RAP1GDS1: variants seen among roughly 807,000 people sequenced by gnomAD.
RAP1GDS1 encodes the protein Rap1 GTPase-GDP dissociation stimulator 1, also known as RAP1, GTP-GDP dissociation stimulator 1.
RAP1GDS1 carries 35 observed loss-of-function variants against 71.1 expected under a neutral mutation model. The ratio of observed to expected loss-of-function variants is 0.49; its 90% CI spans 0.38 to 0.65. The LOEUF (loss-of-function observed/expected upper bound fraction) is 0.65, where lower values mean the gene tolerates loss of function less well. RAP1GDS1 is among the 30% of genes least tolerant of loss of function. The pLI, the probability that RAP1GDS1 is intolerant of heterozygous loss-of-function variation, is 0.00. For synonymous variants in RAP1GDS1, 229 were observed against 243.1 expected (o/e 0.94, Z 0.54); for missense variants, 663 against 706.1 (o/e 0.94, Z 0.69).
At chr4:98,399,957 C>G (rs539320396) in intron 6 of RAP1GDS1, among the ~76,000 whole-genome samples, 128 of 152,144 alleles carry the variant, frequency 8.4e-4, no homozygotes, top group Admixed American at 7.9e-4. Context: ...GAGTTTGAGA[C>G]CAGCCTGGGT....
At chr4:98,296,940 CG>C in intron 2 of RAP1GDS1, 16 of 343,654 alleles carry the variant, frequency 4.7e-5, no homozygotes, top group East Asian at 1.2e-4. Context: ...TTTGTGTTGC[CG>C]GGGGGACCAT....
At chr4:98,345,481 T>G (rs946194139) in intron 3 of RAP1GDS1, among the ~76,000 whole-genome samples, 3 of 152,160 alleles carry the variant, frequency 2.0e-5, no homozygotes, top group Non-Finnish European at 4.4e-5. Flanking sequence ...GACCATAAAT[T>G]ATAGTAAAAG....
At chr4:98,295,257 T>C (rs975550920) in intron 2 of RAP1GDS1, among the ~76,000 whole-genome samples, 15 of 152,116 alleles carry the variant, frequency 9.9e-5, no homozygotes, top group Admixed American at 6.6e-4. Context: ...TGTGAAATTG[T>C]GTATCACAAA....
At chr4:98,325,882 G>C (rs369449746) in intron 2 of RAP1GDS1, among the ~76,000 whole-genome samples, 8 of 148,622 alleles carry the variant, frequency 5.4e-5, no homozygotes, top group African/African-American at 1.0e-4. Flanking sequence ...TGTAACTAAC[G>C]TGCACAATAT....
At chr4:98,429,740 G>C (rs1231182299) in intron 12 of RAP1GDS1, among the ~76,000 whole-genome samples, 2 of 152,162 alleles carry the variant, frequency 1.3e-5, no homozygotes, top group African/African-American at 4.8e-5. Context: ...TGGGCTGCAG[G>C]TTGGACACGC....
At chr4:98,277,709 C>T (rs1435916737) in intron 1 of RAP1GDS1, among the ~76,000 whole-genome samples, 1 of 152,088 alleles carries the variant, frequency 6.6e-6, no homozygotes. Context: ...TTTCATATTT[C>T]TTTTTGGCAT....
intron 1 of RAP1GDS1, among the ~76,000 whole-genome samples, chr4:98,263,196 T>G (rs1442975334): frequency 6.6e-6 from 1 of 152,156 alleles, no homozygotes. Flanking sequence ...TGTGTGTATG[T>G]TCAAAGGAAA....
At chr4:98,350,054 G>A (rs1295899173) in intron 3 of RAP1GDS1, among the ~76,000 whole-genome samples, 1 of 152,056 alleles carries the variant, frequency 6.6e-6, no homozygotes, top group African/African-American at 2.4e-5. Context: ...AGTAAAAAAT[G>A]GTTCCAAAGA....
At position 98,418,784 on chromosome 4, in the gene RAP1GDS1, C is replaced by T. The variant is rs770962667; in HGVS notation, c.1167C>T (p.Ala389=). 30 of 1,589,776 alleles carry T rather than the reference C, an allele frequency of 1.9e-5. 2 individuals are homozygous for T. The South Asian group carries it at 3.5e-4, about 19-fold the overall frequency. The change falls in exon 10 of 15, where the codon GCC becomes GCT. Residue 389 remains alanine, a synonymous_variant. Transcript: ENST00000408927. ...HAALSALRNL[A]IPVINKAKML... Reference sequence around the variant, plus strand: ...CACTAAGTGCCCTCAGAAACCTGGCCATTCCAGGTAAGACTTAAGAATAGA... The same window carrying T: ...CACTAAGTGCCCTCAGAAACCTGGCTATTCCAGGTAAGACTTAAGAATAGA...
intron 1 of RAP1GDS1, among the ~76,000 whole-genome samples, chr4:98,269,313 G>C (rs923284487): frequency 4.6e-5 from 7 of 151,552 alleles, no homozygotes; most frequent in African/African-American, 1.7e-4. Flanking sequence ...ACAAAAATCA[G>C]CTCAAAATGG....
chr4:98,385,058 T>C (rs1041768950), intron 5 of RAP1GDS1, among the ~76,000 whole-genome samples: 1 of 151,720 alleles, frequency 6.6e-6, no homozygotes, highest in Non-Finnish European at 1.5e-5. Flanking sequence ...TTATCAAATA[T>C]TATTTTCAAG....
At chr4:98,311,577 A>G (rs919687717) in intron 2 of RAP1GDS1, among the ~76,000 whole-genome samples, 4 of 151,586 alleles carry the variant, frequency 2.6e-5, no homozygotes, top group Non-Finnish European at 5.9e-5. Flanking sequence ...GCTTTTTCTT[A>G]TTTTCTTGTC....
At chr4:98,267,162 A>G (rs948797892) in intron 1 of RAP1GDS1, among the ~76,000 whole-genome samples, 1 of 150,078 alleles carries the variant, frequency 6.7e-6, no homozygotes, top group African/African-American at 2.5e-5. Context: ...ATGTTTATTA[A>G]GGATATTAGC....
intron 1 of RAP1GDS1, among the ~76,000 whole-genome samples, chr4:98,276,015 TA>T (rs2110240443): frequency 6.6e-6 from 1 of 152,260 alleles, no homozygotes; most frequent in East Asian, 1.9e-4. Context: ...CAGAATACTA[TA>T]TATTGGGTGG....
chr4:98,270,422 A>G (rs1349370523), intron 1 of RAP1GDS1, among the ~76,000 whole-genome samples: 1 of 152,196 alleles, frequency 6.6e-6, no homozygotes, highest in Non-Finnish European at 1.5e-5. Flanking sequence ...ATGGTAATGT[A>G]TACTTGAGGT....
intron 2 of RAP1GDS1, among the ~76,000 whole-genome samples, chr4:98,338,012 G>T (rs28564255): frequency 0.044 from 6,658 of 152,124 alleles, 345 homozygotes; most frequent in African/African-American, 0.13. Flanking sequence ...TGCGGACAGG[G>T]CAGGGGAGGC....
intron 2 of RAP1GDS1, among the ~76,000 whole-genome samples, chr4:98,316,937 C>T (rs1286530741): frequency 6.6e-6 from 1 of 152,158 alleles, no homozygotes; most frequent in East Asian, 1.9e-4. Context: ...AAGGATGCCG[C>T]TATGGGATGG....
At position 98,261,497 on chromosome 4, in the gene RAP1GDS1, A is replaced by G; in HGVS notation, c.-69A>G. The G allele has an allele frequency of 1.3e-6, 2 of 1,530,884 alleles. No homozygotes were observed. Among genetic ancestry groups the G allele is most frequent in the African/African-American group, 1.4e-5 (1 of 71,344 alleles). 94.8% of individuals were successfully genotyped at this position (1,530,884 alleles called of 1,614,324 possible). A position where few individuals can be genotyped will look rare whatever the true frequency, so the allele number is the denominator to read the frequency against. On this transcript the variant is annotated 5_prime_UTR_variant, in exon 1 of 15. Coordinates refer to ENST00000408927, the MANE Select transcript of RAP1GDS1 (RefSeq NM_001100427.2). ...GGAGAGACGGAGGTAGAGGGAGGAC[A>G]CAGAGCCGCGCCGCCCGCACCACAG...
At chr4:98,409,998 G>T (rs898724073) in intron 7 of RAP1GDS1, among the ~76,000 whole-genome samples, 1 of 152,106 alleles carries the variant, frequency 6.6e-6, no homozygotes, top group African/African-American at 2.4e-5. Flanking sequence ...TGGCTAGCCT[G>T]GTGGCTCATG....
Sources: allele counts gnomAD v4.1 joint callset (sites outside exome capture counted in the v4.1 genomes callset), GRCh38; gene constraint gnomAD v4.1.1; transcripts MANE v1.5; gene names NCBI Gene and HGNC (gene_info 2026-07-23, HGNC 2026-07-21).